The following NUP205 variants were observed in gnomAD, a reference collection of about 807,000 sequenced individuals.
The protein encoded by NUP205 is nucleoporin 205.
NUP205 carries 76 observed loss-of-function variants against 253.8 expected under a neutral mutation model. That is an observed-to-expected ratio of 0.30 (90% confidence interval 0.25 to 0.36). The LOEUF is 0.36. Ranked by LOEUF, NUP205 falls within the 10% of genes least tolerant of loss-of-function variation. The pLI is 1.00. For synonymous variants in NUP205, 832 were observed against 850.1 expected (o/e 0.98, Z 0.37); for missense variants, 2,162 against 2,425.5 (o/e 0.89, Z 2.28).
Position 135,607,121 on chromosome 7 carries a change from T to C in NUP205, c.3071-126T>C, listed in dbSNP as rs144527647. On this transcript the variant is annotated intron_variant, in intron 21 of 42. Transcript: ENST00000285968. ...ATCAGCCTTTATCAATTTTCTGTTA[T>C]CAGTATTTGAAAGAGTGTTTACAGT... 201 of 1,274,410 alleles carry C rather than the reference T, an allele frequency of 1.6e-4. No individual in the cohort carries two copies. The East Asian group carries it at 4.1e-3, about 26-fold the overall frequency. 78.9% of individuals were successfully genotyped at this position (1,274,410 alleles called of 1,614,324 possible).
chr7:135,606,253 C>G (rs73725182), intron 20 of NUP205, 27 bp downstream of exon 20: 5 of 1,382,962 alleles, frequency 3.6e-6, no homozygotes, highest in Non-Finnish European at 5.1e-6. Flanking sequence ...TGTGCATACA[C>G]GCATTCTTTT....
chr7:135,584,826 T>C lies in NUP205; in HGVS notation c.1043-6T>C, dbSNP rs968507465. The C allele has an allele frequency of 6.2e-7, 1 of 1,613,630 alleles. No individual in the cohort carries two copies. The highest frequency in any genetic ancestry group is 8.5e-7 in the Non-Finnish European group (1 of 1,179,734). On this transcript the variant is annotated splice_region_variant and splice_polypyrimidine_tract_variant and intron_variant, in intron 7 of 42. Coordinates refer to ENST00000285968, the MANE Select transcript of NUP205 (RefSeq NM_015135.3). ...CCATGTACTGTGTTTTAAAATCTGTTTCTAGCTCTGGCAGAATTCACAGAG... is the reference window on the plus strand; with the variant it reads ...CCATGTACTGTGTTTTAAAATCTGTCTCTAGCTCTGGCAGAATTCACAGAG...
chr7:135,629,481 CTCTCTCT>C (rs1794660874), intron 34 of NUP205, among the ~76,000 whole-genome samples: 6 of 130,980 alleles, frequency 4.6e-5, no homozygotes, highest in African/African-American at 1.6e-4. Flanking sequence ...CTCTCTCTCT[CTCTCTCT>C]CTCTCTCTCT....
rs1352339135 is a variant in NUP205 at position 135,590,640 on chromosome 7, C to T, written c.1474-810C>T. Among the ~76,000 whole-genome samples, 8 of 151,162 alleles carry T rather than the reference C, an allele frequency of 5.3e-5. No individual in the cohort carries two copies. The Admixed American group carries it at 5.3e-4, about 10-fold the overall frequency. On this transcript the variant is annotated intron_variant, in intron 10 of 42. Coordinates refer to ENST00000285968, the MANE Select transcript of NUP205 (RefSeq NM_015135.3). The stretch of plus-strand genomic sequence containing the variant: ...CTCTGCCTCCTGGGTTCAATTGATT[C>T]TCCTGCCTCAGCCTTTCGAGTAGTT...
At chr7:135,614,466 T>C (rs183360078) in intron 23 of NUP205, among the ~76,000 whole-genome samples, 193 bp downstream of exon 23, 1 of 152,310 alleles carries the variant, frequency 6.6e-6, no homozygotes, top group Admixed American at 6.5e-5. Flanking sequence ...TATTTAAATA[T>C]AGCCTATCAA....
At chr7:135,638,765 A>G in intron 38 of NUP205, 82 bp downstream of exon 38, 1 of 1,419,084 alleles carries the variant, frequency 7.0e-7, no homozygotes, top group Non-Finnish European at 9.8e-7. Context: ...CTCCAGTAAG[A>G]TGCAGTATTT....
In NUP205 at chr7:135,633,339, G is replaced by A. The variant is rs78254804; in HGVS notation, c.5060-2242G>A. Among the ~76,000 whole-genome samples, 847 of 152,080 alleles carry A rather than the reference G, an allele frequency of 5.6e-3. 14 individuals are homozygous for A. Among genetic ancestry groups the A allele is most frequent in the East Asian group, 0.051 (262 of 5,162 alleles). ...GCAGTGGCATGATCATAGCTGGAAC[G>A]CCTGAGCTCAAATGATCCTCCTGCC... On this transcript the variant is annotated intron_variant, in intron 35 of 42. Coordinates refer to ENST00000285968, the MANE Select transcript of NUP205 (RefSeq NM_015135.3).
intron 14 of NUP205, 148 bp downstream of exon 14, chr7:135,597,566 G>C (rs1361624019): frequency 3.7e-6 from 2 of 544,992 alleles, no homozygotes; most frequent in Non-Finnish European, 6.3e-6. Context: ...TGTTGAAATA[G>C]AGATGAAACT....
In NUP205 at chr7:135,604,368, G is replaced by A. The variant is rs762001215; in HGVS notation, c.2731G>A (p.Glu911Lys). 6.2e-7 allele frequency: 1 copy of A among 1,612,322 alleles called. No individual in the cohort carries two copies. Among genetic ancestry groups the A allele is most frequent in the Admixed American group, 1.7e-5 (1 of 59,784 alleles). ...RYLYHGNTNP[E>K]LAFESAKILC... ...CCTATATCATGGCAATACTAATCCA[G>A]AATTGGCTTTTGAAAGTGCCAAGAT... Residue 911 changes from glutamate to lysine, a missense_variant, in exon 19 of 43, where the codon GAA (glutamate) becomes AAA (lysine). Coordinates refer to ENST00000285968, the MANE Select transcript of NUP205 (RefSeq NM_015135.3).
chr7:135,611,320 T>C (rs1794231179), intron 22 of NUP205, among the ~76,000 whole-genome samples: 4 of 152,186 alleles, frequency 2.6e-5, no homozygotes, highest in African/African-American at 9.6e-5. Flanking sequence ...TCTCTTCTGA[T>C]AGTATTATTT....
At position 135,570,702 on chromosome 7, in the gene NUP205, T is replaced by TA. The variant is rs1312525594; in HGVS notation, c.29-403_29-402insA. 1.0e-4 allele frequency among the ~76,000 whole-genome samples: 11 copies of TA among 110,482 alleles called. 1 individual carries two copies. The East Asian group carries it at 1.7e-3, about 17-fold the overall frequency. 72.5% of individuals were successfully genotyped at this position (110,482 alleles called of 152,430 possible). ...ATATTAATTATATTAATATAATTAA[T>TA]TATATTAATATAATTAATTATATTT... is the stretch of plus-strand genomic sequence containing the variant. On this transcript the variant is annotated intron_variant, in intron 1 of 42. Transcript: ENST00000285968.
intron 39 of NUP205, among the ~76,000 whole-genome samples, chr7:135,643,804 C>T (rs1047081290): frequency 6.6e-6 from 1 of 152,170 alleles, no homozygotes; most frequent in Non-Finnish European, 1.5e-5. Flanking sequence ...CCTCTACTTA[C>T]AGTATTAATA....
chr7:135,630,538 T>G, intron 35 of NUP205, 68 bp downstream of exon 35: 1 of 1,437,240 alleles, frequency 7.0e-7, no homozygotes, highest in East Asian at 2.6e-5. Context: ...ATAGAATGAG[T>G]TTTTTTGTTA....
chr7:135,642,563 T>C (rs1285981644), intron 38 of NUP205, among the ~76,000 whole-genome samples: 1 of 152,208 alleles, frequency 6.6e-6, no homozygotes, highest in African/African-American at 2.4e-5. Flanking sequence ...GCATCTTCAT[T>C]AGCCAGTAGC....
rs1271583196 is a variant in NUP205 at position 135,603,359 on chromosome 7, C to T, written c.2702+365C>T. On this transcript the variant is annotated intron_variant, in intron 18 of 42. Coordinates refer to ENST00000285968, the MANE Select transcript of NUP205 (RefSeq NM_015135.3). ...TGAACTCCTGACCTCATGATCTGCC[C>T]GCCTCAGCCTCCCAAAGTGCTGGGA... 3.9e-5 allele frequency among the ~76,000 whole-genome samples: 6 copies of T among 151,938 alleles called. No individual in the cohort carries two copies. The South Asian group carries it at 8.3e-4, about 21-fold the overall frequency.
At chr7:135,568,043 G>A (rs1191884877) in intron 1 of NUP205, among the ~76,000 whole-genome samples, 1 of 152,032 alleles carries the variant, frequency 6.6e-6, no homozygotes, top group African/African-American at 2.4e-5. Context: ...CTGGCCAAAT[G>A]GTGAAGCCCC....
chr7:135,600,347 AACCC>A (rs1793941468), intron 15 of NUP205, among the ~76,000 whole-genome samples: 1 of 152,176 alleles, frequency 6.6e-6, no homozygotes, highest in African/African-American at 2.4e-5. Context: ...TCACGGATGG[AACCC>A]TGGTCTGAGA....
rs534063867 is a variant in NUP205, at chr7:135,624,170, A to G, written c.4480-994A>G. Among the ~76,000 whole-genome samples, 4 of 152,148 alleles carry G rather than the reference A, an allele frequency of 2.6e-5. No homozygotes were observed. In the South Asian group the frequency reaches 6.2e-4, roughly 24 times the overall value. ...AGACAGACCAAAATGGATGAACTGT[A>G]TTTATCAGATTGTGTAGTTATTACT... On this transcript the variant is annotated intron_variant, in intron 31 of 42. Coordinates refer to ENST00000285968, the MANE Select transcript of NUP205 (RefSeq NM_015135.3).
chr7:135,606,969 G>C (rs1177557252), intron 21 of NUP205, 54 bp downstream of exon 21: 1 of 1,525,584 alleles, frequency 6.6e-7, no homozygotes, highest in African/African-American at 1.4e-5. Flanking sequence ...TGTATCTCAG[G>C]GGTCACTGAT....
Sources: allele counts gnomAD v4.1 joint callset (sites outside exome capture counted in the v4.1 genomes callset), GRCh38; gene constraint gnomAD v4.1.1; transcripts MANE v1.5; gene names NCBI Gene and HGNC (gene_info 2026-07-23, HGNC 2026-07-21).